The following ZMYM6 variants were observed in gnomAD, a reference collection of about 807,000 sequenced individuals.
ZMYM6 encodes the protein zinc finger MYM-type containing 6.
A neutral mutation model predicts 134.0 loss-of-function variants in ZMYM6; 90 were observed. That is an observed-to-expected ratio of 0.67 (90% CI 0.57 to 0.80). The LOEUF (loss-of-function observed/expected upper bound fraction) is 0.80, where lower values mean the gene tolerates loss of function less well. ZMYM6 is among the 30% of genes least tolerant of loss of function. The pLI is 0.00. For missense variants in ZMYM6, 1,362 were observed against 1,533.9 expected (o/e 0.89, Z 1.87); for synonymous variants, 481 against 524.1 (o/e 0.92, Z 1.12).
chr1:35,007,543 G>A (rs141039132), intron 11 of ZMYM6, among the ~76,000 whole-genome samples: 172 of 151,964 alleles, frequency 1.1e-3, no homozygotes, highest in African/African-American at 3.8e-3. Flanking sequence ...AGCCGAGATC[G>A]CGTCACTGCA....
intron 11 of ZMYM6, 76 bp downstream of exon 11, chr1:35,008,676 T>C: frequency 3.3e-6 from 5 of 1,503,046 alleles, no homozygotes; most frequent in Non-Finnish European, 4.5e-6. Flanking sequence ...TTTCTTCACA[T>C]AATTTGAATA....
chr1:35,005,400 G>T, intron 12 of ZMYM6, 128 bp from the exon 13 acceptor site: 1 of 1,008,204 alleles, frequency 9.9e-7, no homozygotes, highest in Non-Finnish European at 1.4e-6. Flanking sequence ...ATCTGATTCT[G>T]TATCATGTTA....
intron 3 of ZMYM6, 57 bp from the exon 4 acceptor site, chr1:35,019,659 A>G (rs1641269543): frequency 6.7e-7 from 1 of 1,497,462 alleles, no homozygotes; most frequent in Non-Finnish European, 8.9e-7. Context: ...ATACAGTCTC[A>G]GTCTCTCTCT....
chr1:35,012,286 C>T (rs1569776058), intron 7 of ZMYM6, 145 bp downstream of exon 7: 1 of 796,984 alleles, frequency 1.3e-6, no homozygotes, highest in South Asian at 2.9e-5. Context: ...ACTATTTTCA[C>T]ATAAAAGTCA....
chr1:34,992,179 A>C (rs1640687712), intron 15 of ZMYM6, 55 bp downstream of exon 15: 1 of 1,610,470 alleles, frequency 6.2e-7, no homozygotes. Context: ...TAAAAAACAA[A>C]AACAAACAAG....
intron 2 of ZMYM6, among the ~76,000 whole-genome samples, chr1:35,020,904 C>A (rs562364243): frequency 4.0e-5 from 6 of 151,754 alleles, no homozygotes; most frequent in Non-Finnish European, 8.8e-5. Flanking sequence ...ATCATAAATA[C>A]CTTCACAAGC....
In ZMYM6 at chr1:34,992,429, T is replaced by G. The variant is rs192611396; in HGVS notation, c.1993-42A>C. The G allele has an allele frequency of 1.8e-5, 28 of 1,592,300 alleles. No homozygotes were observed. The African/African-American group carries it at 2.4e-4, about 14-fold the overall frequency. On this transcript the variant is annotated intron_variant, in intron 14 of 15. Coordinates refer to ENST00000357182, the MANE Select transcript of ZMYM6 (RefSeq NM_007167.4). ...TCAGAAACCAAAGAAAGATTTTTTT[T>G]AGTACCTTATCACTGACTATAATTG...
intron 2 of ZMYM6, among the ~76,000 whole-genome samples, chr1:35,024,247 T>C (rs1019315475): frequency 6.6e-6 from 1 of 152,258 alleles, no homozygotes; most frequent in African/African-American, 2.4e-5. Context: ...AGAATAATTA[T>C]GTTCCAAGTA....
intron 13 of ZMYM6, among the ~76,000 whole-genome samples, chr1:35,004,352 T>C (rs958761537): frequency 4.6e-5 from 7 of 152,266 alleles, no homozygotes; most frequent in African/African-American, 1.7e-4. Flanking sequence ...ATTAGCCCAG[T>C]GTGGTGGCCT....
chr1:35,023,002 G>C (rs1310126552), intron 2 of ZMYM6, among the ~76,000 whole-genome samples: 4 of 152,096 alleles, frequency 2.6e-5, no homozygotes, highest in Non-Finnish European at 5.9e-5. Flanking sequence ...TAACCCATAG[G>C]GCCAACGGGG....
At position 35,010,747 on chromosome 1, in the gene ZMYM6, T is replaced by C; in HGVS notation, c.1341+11A>G. ...AGTTTATATACAATCCCTTTCATGA[T>C]CTCTCTTTACCTTGTAAAAAAGAAG... On this transcript the variant is annotated intron_variant, in intron 9 of 15. Coordinates refer to ENST00000357182, the MANE Select transcript of ZMYM6 (RefSeq NM_007167.4). 1 of 1,541,008 alleles carries C rather than the reference T, an allele frequency of 6.5e-7. No homozygotes were observed. The highest frequency in any genetic ancestry group is 8.7e-7 in the Non-Finnish European group (1 of 1,149,498).
At chr1:34,991,800 A>C (rs111605376) in intron 15 of ZMYM6, among the ~76,000 whole-genome samples, 5 of 151,900 alleles carry the variant, frequency 3.3e-5, no homozygotes, top group African/African-American at 4.8e-5. Flanking sequence ...ACAAAAAAAA[A>C]CCCAGTGCTT....
At position 35,030,518 on chromosome 1, in the gene ZMYM6, A is replaced by T. The variant is rs762149577; in HGVS notation, c.93+29T>A. The stretch of plus-strand genomic sequence containing the variant: ...CAGATGGAAAAGAAGGAATTTTTTT[A>T]AATTTTTAAATGAAGATGAAATGCT... On this transcript the variant is annotated intron_variant, in intron 2 of 15. Transcript: ENST00000357182. 68 of 1,575,722 alleles carry T rather than the reference A, an allele frequency of 4.3e-5. 1 individual carries two copies. Among genetic ancestry groups the T allele is most frequent in the South Asian group, 2.9e-4 (25 of 85,106 alleles).
In ZMYM6 at chr1:34,988,709, T is replaced by G; in HGVS notation, c.2373A>C (p.Thr791=). Residue 791 remains threonine (T), a synonymous_variant, in exon 16 of 16, where the codon ACA becomes ACC. Coordinates refer to ENST00000357182, the MANE Select transcript of ZMYM6 (RefSeq NM_007167.4). Reference sequence around the variant, plus strand: ...GTTTGTTTTCTAATTCTGAATGTTTTGTCTTCAAATGATGAGAAAGATTTG... The same window carrying G: ...GTTTGTTTTCTAATTCTGAATGTTTGGTCTTCAAATGATGAGAAAGATTTG... ...KPANLSHHLK[T]KHSELENKPV... 6.4e-7 allele frequency: 1 copy of G among 1,551,124 alleles called. No homozygotes were observed. Among genetic ancestry groups the G allele is most frequent in the Non-Finnish European group, 8.7e-7 (1 of 1,146,884 alleles).
intron 2 of ZMYM6, among the ~76,000 whole-genome samples, chr1:35,029,533 T>C (rs1641478993): frequency 6.6e-6 from 1 of 152,232 alleles, no homozygotes; most frequent in African/African-American, 2.4e-5. Flanking sequence ...TAATATATAC[T>C]ACATACTGAT....
In ZMYM6 at chr1:35,015,937, TTTTC is replaced by T. The variant is rs1312087957; in HGVS notation, c.429-779_429-776del. ...ACTGAAATGAGACAATAAATGAATT[TTTTC>T]TTTCTTTTTTTTTTTTTTTTTTGTG... is the stretch of plus-strand genomic sequence containing the variant. On this transcript the variant is annotated intron_variant, in intron 4 of 15. Coordinates refer to ENST00000357182, the MANE Select transcript of ZMYM6 (RefSeq NM_007167.4). 2.3e-3 allele frequency among the ~76,000 whole-genome samples: 299 copies of T among 128,782 alleles called. 9 individuals are homozygous for T. In the East Asian group the frequency reaches 0.058, roughly 25 times the overall value. 84.5% of individuals were successfully genotyped at this position (128,782 alleles called of 152,430 possible).
At chr1:35,024,680 C>T (rs1443689240) in intron 2 of ZMYM6, among the ~76,000 whole-genome samples, 1 of 152,132 alleles carries the variant, frequency 6.6e-6, no homozygotes, top group Non-Finnish European at 1.5e-5. Context: ...CACATTCTCT[C>T]ACCCCTCCAT....
At chr1:35,020,276 A>G in intron 3 of ZMYM6, 107 bp downstream of exon 3, 1 of 982,908 alleles carries the variant, frequency 1.0e-6, no homozygotes, top group Non-Finnish European at 1.5e-6. Flanking sequence ...GAAAAAACAC[A>G]GCTCTAAAGA....
At chr1:35,024,625 T>C (rs1246171673) in intron 2 of ZMYM6, among the ~76,000 whole-genome samples, 1 of 152,212 alleles carries the variant, frequency 6.6e-6, no homozygotes, top group African/African-American at 2.4e-5. Flanking sequence ...TTTAAATCTA[T>C]TATCTTTTCC....
Sources: gnomAD v4.1 joint callset for allele counts (sites outside exome capture counted in the v4.1 genomes callset) on GRCh38, gnomAD v4.1.1 for gene constraint, MANE v1.5 for transcripts, NCBI Gene and HGNC (gene_info 2026-07-23, HGNC 2026-07-21) for gene names.